Variants in DIABLO observed in about 807,000 individuals in gnomAD.
DIABLO encodes diablo IAP-binding mitochondrial protein, also known as diablo homolog, mitochondrial.
DIABLO carries 32 observed loss-of-function variants against 31.7 expected under a neutral mutation model. The ratio of observed to expected loss-of-function variants is 1.01; its 90% CI spans 0.76 to 1.35. The LOEUF is 1.35. Among genes scored for constraint, DIABLO ranks in the 40% most tolerant of loss-of-function variants. The pLI is 0.00. For missense variants in DIABLO, 316 were observed against 286.4 expected (o/e 1.10, Z -0.75); for synonymous variants, 132 against 103.2 (o/e 1.28, Z -1.69).
chr12:122,215,349 C>G (rs542782415), intron 5 of DIABLO, among the ~76,000 whole-genome samples: 2 of 151,360 alleles, frequency 1.3e-5, no homozygotes, highest in African/African-American at 4.9e-5. Flanking sequence ...GAGGCCAAGG[C>G]GGGTGGATCA....
chr12:122,209,338 G>C (rs1300839235), intron 5 of DIABLO, among the ~76,000 whole-genome samples: 1 of 151,172 alleles, frequency 6.6e-6, no homozygotes, highest in African/African-American at 2.5e-5. Context: ...ACTCCAGCCT[G>C]GGCGACAGAC....
chr12:122,211,077 TAAAAAAAAA>T (rs1156571584), intron 5 of DIABLO, among the ~76,000 whole-genome samples: 11 of 14,342 alleles, frequency 7.7e-4, no homozygotes, highest in East Asian at 2.4e-3. Context: ...TAGTTAAAAG[TAAAAAAAAA>T]AAAAAAAAAA....
rs376354536 is a variant in DIABLO at position 122,218,363 on chromosome 12, A to G, written c.218T>C (p.Leu73Ser). 8 of 1,614,188 alleles carry G rather than the reference A, an allele frequency of 5.0e-6. No individual in the cohort carries two copies. Among genetic ancestry groups the G allele is most frequent in the Non-Finnish European group, 5.9e-6 (7 of 1,180,032 alleles). ...SEPHSLSSEA[L>S]MRRAVSLVTD... ...TACCAAAGACACTGCTCTCCTCATCAATGCTTCACTACTAAGGGAATGAGG... is the reference window on the plus strand; with the variant it reads ...TACCAAAGACACTGCTCTCCTCATCGATGCTTCACTACTAAGGGAATGAGG... The change falls in exon 3 of 6, where the codon TTG becomes TCG. Residue 73 changes from leucine to serine, a missense_variant. Leu to Ser is a moderately radical substitution (Grantham distance 145, BLOSUM62 -2). Transcript: ENST00000464942.
chr12:122,216,122 A>C (rs564614940), intron 5 of DIABLO, among the ~76,000 whole-genome samples: 67 of 152,332 alleles, frequency 4.4e-4, no homozygotes, highest in African/African-American at 1.6e-3. Context: ...AAAGGTTCAC[A>C]TAGATTACTC....
At position 122,218,309 on chromosome 12, in the gene DIABLO, TGA is replaced by T. The variant is rs763817921; in HGVS notation, c.270_271del (p.Gln91AspfsTer7). On this transcript the variant is annotated frameshift_variant, in exon 3 of 6. Coordinates refer to ENST00000464942, the MANE Select transcript of DIABLO (RefSeq NM_001371333.1). LOFTEE classifies it high-confidence loss of function. ...AGCTTCAATCAACGCATATGTGGTC[TGA>T]GAGAGAAAGGTAGAGGTGCTATCTG... The T allele has an allele frequency of 2.5e-6, 4 of 1,614,170 alleles. No homozygotes were observed. Among genetic ancestry groups the T allele is most frequent in the Non-Finnish European group, 3.4e-6 (4 of 1,180,020 alleles).
chr12:122,218,130 T>G, intron 3 of DIABLO, 136 bp downstream of exon 3: 1 of 1,083,686 alleles, frequency 9.2e-7, no homozygotes, highest in African/African-American at 1.6e-5. Flanking sequence ...TCAAAAACCG[T>G]TATTGACAAC....
chr12:122,225,136 C>G, intron 1 of DIABLO: 1 of 308,324 alleles, frequency 3.2e-6, no homozygotes, highest in South Asian at 2.9e-5. Context: ...TCGCTTGAAC[C>G]TGGGAGGCAG....
At chr12:122,213,227 G>C (rs1954126681) in intron 5 of DIABLO, among the ~76,000 whole-genome samples, 5 of 151,548 alleles carry the variant, frequency 3.3e-5, no homozygotes, top group Middle Eastern at 6.9e-3. Flanking sequence ...CAGATTTTTG[G>C]TTAAAAAAGT....
At chr12:122,219,670 C>T (rs1368995878) in intron 2 of DIABLO, among the ~76,000 whole-genome samples, 1 of 150,704 alleles carries the variant, frequency 6.6e-6, no homozygotes, top group African/African-American at 2.4e-5. Flanking sequence ...GCCTGGCCAA[C>T]ATGGCGAAAC....
At position 122,207,930 on chromosome 12, in the gene DIABLO, A is replaced by G. The variant is rs766861643; in HGVS notation, c.*451T>C. 34 of 461,484 alleles carry G rather than the reference A, an allele frequency of 7.4e-5. No homozygotes were observed. Among genetic ancestry groups the G allele is most frequent in the Non-Finnish European group, 1.4e-4 (32 of 232,178 alleles). The allele number at this position is 461,484 out of a possible 1,614,324, so 28.6% of individuals were successfully genotyped here. ...ACACATCAGAAATACATACAAAGAAATCGTACAAACTGGACAGGTTCCCCT... is the reference window on the plus strand; with the variant it reads ...ACACATCAGAAATACATACAAAGAAGTCGTACAAACTGGACAGGTTCCCCT... On this transcript the variant is annotated 3_prime_UTR_variant, in exon 6 of 6. Coordinates refer to ENST00000464942, the MANE Select transcript of DIABLO (RefSeq NM_001371333.1).
chr12:122,210,699 G>T (rs924765317), intron 5 of DIABLO, among the ~76,000 whole-genome samples: 6 of 151,980 alleles, frequency 3.9e-5, no homozygotes, highest in Admixed American at 2.0e-4. Context: ...CTTTTTAAAT[G>T]ATTTTGTTGT....
Position 122,226,047 on chromosome 12 carries a change from G to T in DIABLO, c.-33C>A. On this transcript the variant is annotated 5_prime_UTR_variant, in exon 1 of 6. Transcript: ENST00000464942. ...CGCGCGGACGCCAGACGCACACGCC[G>T]GAAGTGACGCAGCTTCGTGAGCGCG... 6.3e-7 allele frequency: 1 copy of T among 1,592,692 alleles called. No homozygotes were observed. Among genetic ancestry groups the T allele is most frequent in the Non-Finnish European group, 8.5e-7 (1 of 1,171,736 alleles).
In DIABLO at chr12:122,226,036, A is replaced by G. The variant is rs575804286; in HGVS notation, c.-22T>C. On this transcript the variant is annotated 5_prime_UTR_variant, in exon 1 of 6. Coordinates refer to ENST00000464942, the MANE Select transcript of DIABLO (RefSeq NM_001371333.1). ...CCATTGTGCAGCGCGCGGACGCCAG[A>G]CGCACACGCCGGAAGTGACGCAGCT... 4.1e-5 allele frequency: 65 copies of G among 1,598,392 alleles called. No individual in the cohort carries two copies. Among genetic ancestry groups the G allele is most frequent in the East Asian group, 6.8e-5 (3 of 44,372 alleles).
Position 122,208,416 on chromosome 12 carries a change from C to A in DIABLO, c.685G>T (p.Glu229Ter), listed in dbSNP as rs1416489769. 12 of 1,613,270 alleles carry A rather than the reference C, an allele frequency of 7.4e-6. No homozygotes were observed. Among genetic ancestry groups the A allele is most frequent in the Non-Finnish European group, 9.3e-6 (11 of 1,180,048 alleles). Residue 229 changes from glutamate (E) to a stop codon, truncating the protein, a stop_gained, in exon 6 of 6, where the codon GAG becomes TAG. Coordinates refer to ENST00000464942, the MANE Select transcript of DIABLO (RefSeq NM_001371333.1). LOFTEE classifies it high-confidence loss of function. ...KTQEEGEERA[E>*]SEQEAYLRED ...CGCAGGTAGGCCTCCTGCTCCGACT[C>A]AGCCCGCTCCTCCCCTTCCTCCTGT...
chr12:122,225,688 G>T, intron 1 of DIABLO: 1 of 1,395,810 alleles, frequency 7.2e-7, no homozygotes, highest in Non-Finnish European at 9.3e-7. Flanking sequence ...TGGCTGACGA[G>T]GGCTGGTCAG....
rs749332200 is a variant in DIABLO, at chr12:122,218,404, G to T, written c.184-7C>A. On this transcript the variant is annotated splice_polypyrimidine_tract_variant and splice_region_variant and intron_variant, in intron 2 of 5. Transcript: ENST00000464942. ...GGGAATGAGGCTCTGATTTCTGAAA[G>T]ACACAAACATTGTCACTCAACCTCT... 3 of 1,613,920 alleles carry T rather than the reference G, an allele frequency of 1.9e-6. No homozygotes were observed. The highest frequency in any genetic ancestry group is 2.2e-5 in the East Asian group (1 of 44,872).
chr12:122,208,745 G>A (rs1368840394), intron 5 of DIABLO, 168 bp from the exon 6 acceptor site: 2 of 734,566 alleles, frequency 2.7e-6, no homozygotes, highest in African/African-American at 1.7e-5. Flanking sequence ...TCTATGTTCA[G>A]GTCTGGATTT....
At chr12:122,226,681 G>A (rs1463237054), upstream of DIABLO, 3 of 612,690 alleles carry the variant, frequency 4.9e-6, no homozygotes, top group Non-Finnish European at 8.7e-6. Flanking sequence ...AGGCCAGGAA[G>A]CCCACAGTGC....
chr12:122,220,669 CAAAACA>C (rs375283797), intron 2 of DIABLO: 9 of 152,038 alleles, frequency 5.9e-5, no homozygotes, highest in East Asian at 1.9e-4. Context: ...CAAAACAAAA[CAAAACA>C]AAAACAAAAA....
Sources: allele counts gnomAD v4.1 joint callset (sites outside exome capture counted in the v4.1 genomes callset), GRCh38; gene constraint gnomAD v4.1.1; transcripts MANE v1.5; gene names NCBI Gene and HGNC (gene_info 2026-07-23, HGNC 2026-07-21).